RABL2B: variants seen among roughly 807,000 people sequenced by gnomAD.
The protein encoded by RABL2B is rab-like protein 2B.
RABL2B carries 17 observed loss-of-function variants against 26.7 expected under a neutral mutation model. The ratio of observed to expected loss-of-function variants is 0.64; its 90% CI spans 0.44 to 0.95. The LOEUF (loss-of-function observed/expected upper bound fraction) is 0.95. Among genes scored for constraint, RABL2B ranks in the 40% least tolerant of loss-of-function variants. The pLI, the probability that RABL2B is intolerant of heterozygous loss-of-function variation, is 0.00. For synonymous variants in RABL2B, 70 were observed against 103.9 expected, an observed-to-expected ratio of 0.67 and a Z score of 1.99; for missense variants, 170 against 277.2, an observed-to-expected ratio of 0.61 and a Z score of 2.75.
At chr22:50,769,746 A>G (rs563741978) in intron 6 of RABL2B, 159 bp downstream of exon 6, 23 of 862,192 alleles carry the variant, frequency 2.7e-5, no homozygotes, top group Admixed American at 2.5e-4. Context: ...TGGCTTCTTT[A>G]TAAGGTGGGA....
intron 3 of RABL2B, 106 bp from the exon 4 acceptor site, chr22:50,776,855 T>A: frequency 6.8e-7 from 1 of 1,466,192 alleles, no homozygotes; most frequent in Non-Finnish European, 9.2e-7. Flanking sequence ...CCTCTTCTCT[T>A]TGGAGTTATT....
intron 3 of RABL2B, 62 bp downstream of exon 3, chr22:50,777,890 A>C (rs1555925505): frequency 6.2e-6 from 10 of 1,613,138 alleles, no homozygotes; most frequent in Non-Finnish European, 8.5e-6. Context: ...GCAGTGGGAC[A>C]CTGATACATG....
intron 5 of RABL2B, 128 bp from the exon 6 acceptor site, chr22:50,770,144 T>C (rs1555917323): frequency 2.0e-6 from 3 of 1,522,172 alleles, no homozygotes; most frequent in Non-Finnish European, 2.7e-6. Context: ...CGCTCTGAAT[T>C]GCAGCCTCTC....
rs1312067728 is a variant in RABL2B at position 50,768,344 on chromosome 22, G to T, written c.*432C>A. ...TGGGGCCTCACAGACTCAGCTGTGG[G>T]TGGGGGGGTAAATCATTACCTCAGG... is the stretch of plus-strand genomic sequence containing the variant. On this transcript the variant is annotated 3_prime_UTR_variant, in exon 9 of 9. Transcript: ENST00000691320. 2 of 247,424 alleles carry T rather than the reference G, an allele frequency of 8.1e-6. No homozygotes were observed. Among genetic ancestry groups the T allele is most frequent in the African/African-American group, 2.5e-5 (1 of 39,716 alleles). The allele number at this position is 247,424 out of a possible 1,614,324, so 15.3% of individuals were successfully genotyped here.
At chr22:50,777,855 C>G (rs2085222029) in intron 3 of RABL2B, 97 bp downstream of exon 3, 7 of 1,594,706 alleles carry the variant, frequency 4.4e-6, no homozygotes. Flanking sequence ...ATCCTCCTTC[C>G]TGGGCTGCTG....
In RABL2B at chr22:50,780,769, A is replaced by G. The variant is rs2085702730; in HGVS notation, c.107+1419T>C. On this transcript the variant is annotated intron_variant, in intron 2 of 8. Transcript: ENST00000691320. Reference sequence around the variant, plus strand: ...CTTTGACGTCAAGTTAACTACTTGGATTCTTATTTTTTGTTACTGTTTGAA... The same window carrying G: ...CTTTGACGTCAAGTTAACTACTTGGGTTCTTATTTTTTGTTACTGTTTGAA... The G allele has an allele frequency of 5.7e-5, 27 of 470,530 alleles. 1 individual carries two copies. Among genetic ancestry groups the G allele is most frequent in the South Asian group, 4.2e-4 (27 of 64,506 alleles). The allele number at this position is 470,530 out of a possible 1,614,324, so 29.1% of individuals were successfully genotyped here.
At chr22:50,771,417 C>G (rs1325333811) in intron 5 of RABL2B, 1 of 151,274 alleles carries the variant, frequency 6.6e-6, no homozygotes, top group Non-Finnish European at 1.5e-5. Flanking sequence ...GCTGGGATTA[C>G]AGGTGCGCAC....
intron 2 of RABL2B, among the ~76,000 whole-genome samples, chr22:50,781,115 C>T (rs1281018491): frequency 5.3e-5 from 8 of 151,848 alleles, no homozygotes; most frequent in South Asian, 2.1e-4. Flanking sequence ...CTGAGGTGGG[C>T]GGATCACAAG....
At chr22:50,783,387 C>T (rs1440642039) in intron 1 of RABL2B, 114 bp downstream of exon 1, 3 of 152,670 alleles carry the variant, frequency 2.0e-5, no homozygotes, top group African/African-American at 7.2e-5. Context: ...CCTCGCGAAG[C>T]CACCTTTCCG....
intron 4 of RABL2B, 109 bp from the exon 5 acceptor site, chr22:50,775,960 G>A (rs1290096156): frequency 1.0e-6 from 1 of 1,001,020 alleles, no homozygotes; most frequent in Non-Finnish European, 1.6e-6. Flanking sequence ...AGTGTACATG[G>A]GGAGCACAGG....
intron 5 of RABL2B, 179 bp from the exon 6 acceptor site, chr22:50,770,195 G>T (rs1220147964): frequency 2.8e-6 from 2 of 724,458 alleles, no homozygotes; most frequent in Non-Finnish European, 4.5e-6. Flanking sequence ...GCCCCCTGGA[G>T]CCTCCAGATG....
chr22:50,768,630 G>A lies in RABL2B; in HGVS notation c.*146C>T. On this transcript the variant is annotated 3_prime_UTR_variant, in exon 9 of 9. Transcript: ENST00000691320. ...TGCTGACCTCATCCCTGTATCACGG[G>A]CCTAGAATGTGGGAGGCTAATAGGA... 6.7e-7 allele frequency: 1 copy of A among 1,482,536 alleles called. No homozygotes were observed. The highest frequency in any genetic ancestry group is 9.0e-7 in the Non-Finnish European group (1 of 1,112,226). The allele number at this position is 1,482,536 out of a possible 1,614,324, so 91.8% of individuals were successfully genotyped here. A position where few individuals can be genotyped will look rare whatever the true frequency, so the allele number is the denominator to read the frequency against.
chr22:50,781,167 C>T lies in RABL2B; in HGVS notation c.107+1021G>A, dbSNP rs1397499032. The stretch of plus-strand genomic sequence containing the variant: ...CATCCTGGCTAATAAGGTGAAGCCC[C>T]GTCTCTACTAAAAATACAAAAATAA... On this transcript the variant is annotated intron_variant, in intron 2 of 8. Coordinates refer to ENST00000691320, the MANE Select transcript of RABL2B (RefSeq NM_001130919.3). Among the ~76,000 whole-genome samples the T allele has an allele frequency of 3.9e-5, 6 of 151,926 alleles. No homozygotes were observed. In the South Asian group the frequency reaches 8.3e-4, roughly 21 times the overall value.
At chr22:50,776,888 T>G (rs1190376934) in intron 3 of RABL2B, 139 bp from the exon 4 acceptor site, 5 of 1,462,868 alleles carry the variant, frequency 3.4e-6, no homozygotes, top group Non-Finnish European at 4.6e-6. Context: ...CAAATGAATG[T>G]TGCAGACAGA....
At chr22:50,772,296 T>C in intron 5 of RABL2B, 3 of 982,664 alleles carry the variant, frequency 3.1e-6, no homozygotes, top group Non-Finnish European at 3.6e-6. Flanking sequence ...CCCAAAGTAC[T>C]GGGATTAAAG....
intron 2 of RABL2B, among the ~76,000 whole-genome samples, chr22:50,780,114 C>G (rs1341647924): frequency 4.3e-4 from 66 of 152,206 alleles, no homozygotes; most frequent in African/African-American, 1.4e-3. Context: ...AAAGGAAAAG[C>G]CTTCCACAGG....
rs1390014362 is a variant in RABL2B, at chr22:50,771,572, T to G, written c.298-1556A>C. ...GATTACAGGCATGAGCTACTGCACC[T>G]GGCTGATTTACTTTTAAGCTTCTGT... On this transcript the variant is annotated intron_variant, in intron 5 of 8. Coordinates refer to ENST00000691320, the MANE Select transcript of RABL2B (RefSeq NM_001130919.3). The G allele has an allele frequency of 2.0e-5, 3 of 151,776 alleles. No individual in the cohort carries two copies. In the East Asian group the frequency reaches 5.8e-4, roughly 29 times the overall value. 9.4% of individuals were successfully genotyped at this position (151,776 alleles called of 1,614,324 possible). A position where few individuals can be genotyped will look rare whatever the true frequency, so the allele number is the denominator to read the frequency against.
chr22:50,781,343 C>CAAAAAA (rs1205230491), intron 2 of RABL2B, among the ~76,000 whole-genome samples: 1 of 59,680 alleles, frequency 1.7e-5, no homozygotes, highest in African/African-American at 5.8e-5. Context: ...GACTCCGTCT[C>CAAAAAA]AAAAAAAAAA....
At position 50,778,029 on chromosome 22, in the gene RABL2B, C is replaced by T. The variant is rs566640457; in HGVS notation, c.108-48G>A. 26 of 1,614,068 alleles carry T rather than the reference C, an allele frequency of 1.6e-5. No individual in the cohort carries two copies. In the South Asian group the frequency reaches 2.5e-4, roughly 16 times the overall value. ...GGTCAGATGGCGTCTCCATCTCTCCCTCGTCCCAGACTTTTTCACCCTAAG... is the reference window on the plus strand; with the variant it reads ...GGTCAGATGGCGTCTCCATCTCTCCTTCGTCCCAGACTTTTTCACCCTAAG... On this transcript the variant is annotated intron_variant, in intron 2 of 8. Coordinates refer to ENST00000691320, the MANE Select transcript of RABL2B (RefSeq NM_001130919.3).
Sources: allele counts gnomAD v4.1 joint callset (sites outside exome capture counted in the v4.1 genomes callset), GRCh38; gene constraint gnomAD v4.1.1; transcripts MANE v1.5; gene names NCBI Gene and HGNC (gene_info 2026-07-23, HGNC 2026-07-21).